The following DHRSX variants were observed in gnomAD, a reference collection of about 807,000 sequenced individuals.
The protein encoded by DHRSX is polyprenol dehydrogenase.
Under a neutral mutation model 34.0 loss-of-function variants are expected in DHRSX, and 31 were observed. That is an observed-to-expected ratio of 0.91 (90% CI 0.69 to 1.23). The LOEUF is 1.23. DHRSX is among the 50% of genes most tolerant of loss of function. DHRSX has a pLI of 0.00. For missense variants in DHRSX, 414 were observed against 428.1 expected (o/e 0.97, Z 0.29); for synonymous variants, 201 against 183.8 (o/e 1.09, Z -0.76).
intron 3 of DHRSX, among the ~76,000 whole-genome samples, chrX:2,359,095 AAAC>A (rs1173108433): frequency 3.3e-5 from 5 of 152,210 alleles, no homozygotes; most frequent in Non-Finnish European, 5.9e-5. Flanking sequence ...AAACATCAAA[AAAC>A]AACAGATGCT....
chrX:2,439,772 A>G (rs1189949750), intron 1 of DHRSX, among the ~76,000 whole-genome samples: 11 of 152,050 alleles, frequency 7.2e-5, no homozygotes, highest in African/African-American at 2.4e-5. Flanking sequence ...TCATGCTCCT[A>G]TGAGACTCTA....
At chrX:2,253,344 C>CACG (rs1569480152) in intron 5 of DHRSX, among the ~76,000 whole-genome samples, 6 of 149,850 alleles carry the variant, frequency 4.0e-5, no homozygotes, top group African/African-American at 1.5e-4. Context: ...ATGGCGTGGC[C>CACG]GCACTGCAGC....
At position 2,317,214 on chromosome X, in the gene DHRSX, T is replaced by C. The variant is rs756547420; in HGVS notation, c.287-25611A>G. 5.5e-4 allele frequency among the ~76,000 whole-genome samples: 83 copies of C among 150,454 alleles called. 1 individual carries two copies. In the East Asian group the frequency reaches 0.013, roughly 24 times the overall value. ...CTCAGGTGATCCACCCGCCTCGGCTTCCCAAAGTGCTGGGATTACAGGCGT... is the reference window on the plus strand; with the variant it reads ...CTCAGGTGATCCACCCGCCTCGGCTCCCCAAAGTGCTGGGATTACAGGCGT... On this transcript the variant is annotated intron_variant, in intron 3 of 6. Transcript: ENST00000334651.
At chrX:2,276,419 G>A (rs67146428) in intron 4 of DHRSX, among the ~76,000 whole-genome samples, 63,652 of 151,904 alleles carry the variant, frequency 0.42, 14,824 homozygotes, top group Non-Finnish European at 0.55. Flanking sequence ...TCTGCGAATC[G>A]AAAGGTGGAA....
chrX:2,226,184 C>T (rs35720431), intron 6 of DHRSX, among the ~76,000 whole-genome samples: 70,219 of 151,924 alleles, frequency 0.46, 16,705 homozygotes, highest in Middle Eastern at 0.58. Context: ...CTGGGATTGG[C>T]GCAGGCTGCT....
At chrX:2,342,465 C>T (rs2042653014) in intron 3 of DHRSX, among the ~76,000 whole-genome samples, 1 of 152,042 alleles carries the variant, frequency 6.6e-6, no homozygotes, top group South Asian at 2.1e-4. Flanking sequence ...TCGACGGTGC[C>T]CAGCAAGCCC....
intron 3 of DHRSX, among the ~76,000 whole-genome samples, chrX:2,380,756 C>T (rs766016531): frequency 1.1e-4 from 17 of 152,298 alleles, no homozygotes; most frequent in East Asian, 1.9e-4. Context: ...ATGCTGCACA[C>T]GTAAACTCAA....
intron 5 of DHRSX, among the ~76,000 whole-genome samples, chrX:2,264,437 C>T (rs772774421): frequency 2.0e-5 from 3 of 151,284 alleles, no homozygotes; most frequent in Admixed American, 6.6e-5. Flanking sequence ...TCAGGGAGCA[C>T]TGTGCCCAGA....
intron 1 of DHRSX, among the ~76,000 whole-genome samples, chrX:2,453,687 T>A (rs754754484): frequency 2.3e-4 from 35 of 152,138 alleles, no homozygotes; most frequent in African/African-American, 7.9e-4. Context: ...ATAAATTACA[T>A]TAAAATTAAT....
chrX:2,316,500 C>T (rs1313750847), intron 3 of DHRSX, among the ~76,000 whole-genome samples: 3 of 151,918 alleles, frequency 2.0e-5, no homozygotes, highest in Non-Finnish European at 2.9e-5. Flanking sequence ...TGCAGTGAGC[C>T]GAGATTGCAC....
chrX:2,480,825 A>G (rs763598861), intron 1 of DHRSX, among the ~76,000 whole-genome samples: 2 of 151,556 alleles, frequency 1.3e-5, no homozygotes, highest in East Asian at 3.9e-4. Context: ...CAAAAAAAAT[A>G]AATTACATTA....
intron 3 of DHRSX, among the ~76,000 whole-genome samples, chrX:2,383,105 C>T (rs1284286718): frequency 6.6e-6 from 1 of 151,682 alleles, no homozygotes; most frequent in East Asian, 2.0e-4. Flanking sequence ...TCACCATCAT[C>T]ATTATTTCTA....
At chrX:2,347,005 T>G (rs1449589787) in intron 3 of DHRSX, among the ~76,000 whole-genome samples, 1 of 152,210 alleles carries the variant, frequency 6.6e-6, no homozygotes, top group East Asian at 1.9e-4. Flanking sequence ...CTGCATAGTA[T>G]TCCATGGTGT....
intron 1 of DHRSX, among the ~76,000 whole-genome samples, chrX:2,464,040 G>A (rs1256028355): frequency 6.6e-6 from 1 of 151,982 alleles, no homozygotes; most frequent in Non-Finnish European, 1.5e-5. Flanking sequence ...GTACACACTG[G>A]AGACGTTCCC....
intron 5 of DHRSX, among the ~76,000 whole-genome samples, chrX:2,265,849 A>G (rs1324922905): frequency 5.0e-4 from 45 of 90,614 alleles, no homozygotes; most frequent in Admixed American, 8.2e-4. Context: ...TACAGCAGAC[A>G]CAGGGAGCAC....
At chrX:2,481,777 G>T (rs2044775454) in intron 1 of DHRSX, among the ~76,000 whole-genome samples, 1 of 151,982 alleles carries the variant, frequency 6.6e-6, no homozygotes, top group Non-Finnish European at 1.5e-5. Context: ...TACTCGGAGG[G>T]CTGGGCCTGC....
intron 4 of DHRSX, among the ~76,000 whole-genome samples, chrX:2,286,185 T>G (rs1255464923): frequency 6.6e-6 from 1 of 152,154 alleles, no homozygotes; most frequent in Admixed American, 6.5e-5. Context: ...AATACTTTGC[T>G]TCTTCCCTAA....
At chrX:2,421,968 G>A (rs779672284) in intron 2 of DHRSX, among the ~76,000 whole-genome samples, 1 of 152,268 alleles carries the variant, frequency 6.6e-6, no homozygotes, top group South Asian at 2.1e-4. Flanking sequence ...AGCACCAACA[G>A]ATGTCCAGAG....
At chrX:2,298,757 G>A (rs1410572019) in intron 3 of DHRSX, among the ~76,000 whole-genome samples, 9 of 151,842 alleles carry the variant, frequency 5.9e-5, no homozygotes, top group Non-Finnish European at 4.4e-5. Context: ...AGGCCGAGGC[G>A]GGCGGATCAC....
Sources: gnomAD v4.1 joint callset for allele counts (sites outside exome capture counted in the v4.1 genomes callset) on GRCh38, gnomAD v4.1.1 for gene constraint, MANE v1.5 for transcripts, NCBI Gene and HGNC (gene_info 2026-07-23, HGNC 2026-07-21) for gene names.